Variants in FNDC3B observed in about 807,000 individuals in gnomAD.
FNDC3B encodes fibronectin type III domain containing 3B.
FNDC3B carries 12 observed loss-of-function variants against 151.5 expected under a neutral mutation model. The observed-to-expected ratio is 0.08, with a 90% CI of 0.05 to 0.13. FNDC3B has a LOEUF of 0.13. Among genes scored for constraint, FNDC3B ranks in the 10% least tolerant of loss-of-function variants. The pLI, the probability that FNDC3B is intolerant of heterozygous loss-of-function variation, is 1.00. For missense variants in FNDC3B, 1,214 were observed against 1,505.3 expected, an observed-to-expected ratio of 0.81 and a Z score of 3.20; for synonymous variants, 528 against 549.0, an observed-to-expected ratio of 0.96 and a Z score of 0.54.
At chr3:172,167,421 G>A (rs969000085) in intron 3 of FNDC3B, among the ~76,000 whole-genome samples, 12 of 152,166 alleles carry the variant, frequency 7.9e-5, no homozygotes, top group African/African-American at 2.4e-4. Context: ...CAAGAGGGTT[G>A]CAGTTTCACT....
At chr3:172,282,818 G>A (rs1729807240) in intron 6 of FNDC3B, among the ~76,000 whole-genome samples, 1 of 152,108 alleles carries the variant, frequency 6.6e-6, no homozygotes, top group African/African-American at 2.4e-5. Flanking sequence ...TACTTGCTTT[G>A]GGACCATGTA....
At chr3:172,262,186 A>G (rs1728681498) in intron 6 of FNDC3B, among the ~76,000 whole-genome samples, 1 of 152,230 alleles carries the variant, frequency 6.6e-6, no homozygotes, top group Non-Finnish European at 1.5e-5. Context: ...TGGGCAGAAA[A>G]TAAGAGAGGT....
intron 6 of FNDC3B, among the ~76,000 whole-genome samples, chr3:172,271,489 G>A (rs773743570): frequency 2.2e-5 from 3 of 134,486 alleles, no homozygotes; most frequent in South Asian, 2.4e-4. Context: ...CACATTTTTT[G>A]TTGTTGTTGT....
chr3:172,370,108 T>C (rs660239), intron 23 of FNDC3B, among the ~76,000 whole-genome samples: 65,439 of 152,028 alleles, frequency 0.43, 16,050 homozygotes, highest in Non-Finnish European at 0.57. Context: ...TTTGAGGAGT[T>C]AATATTAATG....
At chr3:172,055,227 T>A (rs1290652373) in intron 1 of FNDC3B, among the ~76,000 whole-genome samples, 1 of 152,212 alleles carries the variant, frequency 6.6e-6, no homozygotes. Flanking sequence ...TATATTTTAT[T>A]TCCGGCTTTG....
intron 3 of FNDC3B, among the ~76,000 whole-genome samples, chr3:172,162,467 G>T (rs1249297037): frequency 6.6e-6 from 1 of 152,048 alleles, no homozygotes; most frequent in Non-Finnish European, 1.5e-5. Flanking sequence ...AAGTTTTTGG[G>T]TGAATATATA....
intron 3 of FNDC3B, among the ~76,000 whole-genome samples, chr3:172,164,707 A>G (rs1009809270): frequency 6.6e-6 from 1 of 152,216 alleles, no homozygotes; most frequent in Non-Finnish European, 1.5e-5. Context: ...AAAGTTTCAT[A>G]ATATGTAGTG....
At chr3:172,114,518 C>T (rs151317659) in intron 2 of FNDC3B, among the ~76,000 whole-genome samples, 67 of 152,220 alleles carry the variant, frequency 4.4e-4, no homozygotes, top group African/African-American at 1.4e-3. Context: ...CAGCAGGCTA[C>T]GTGGCATTTC....
intron 2 of FNDC3B, among the ~76,000 whole-genome samples, chr3:172,124,446 C>A (rs140356721): frequency 5.1e-4 from 77 of 152,306 alleles, no homozygotes; most frequent in Non-Finnish European, 6.9e-4. Flanking sequence ...AAGTGTCACA[C>A]CAGGTGTGAA....
At chr3:172,258,621 T>G (rs1032688458) in intron 6 of FNDC3B, among the ~76,000 whole-genome samples, 4 of 152,004 alleles carry the variant, frequency 2.6e-5, no homozygotes, top group African/African-American at 9.7e-5. Flanking sequence ...GTCCTTGGAG[T>G]CTATCCTTTT....
At chr3:172,057,855 TTGAG>T (rs1246860024) in intron 1 of FNDC3B, among the ~76,000 whole-genome samples, 5 of 151,798 alleles carry the variant, frequency 3.3e-5, no homozygotes, top group Non-Finnish European at 7.4e-5. Flanking sequence ...TTAGATTTGT[TTGAG>T]TGGCCCCTGG....
chr3:172,168,943 C>A (rs1723152762), intron 3 of FNDC3B, among the ~76,000 whole-genome samples: 1 of 112,936 alleles, frequency 8.9e-6, no homozygotes, highest in Non-Finnish European at 2.0e-5. Flanking sequence ...GAACTCCTGA[C>A]CTCAGATGAT....
intron 3 of FNDC3B, among the ~76,000 whole-genome samples, chr3:172,170,912 T>A (rs1220419116): frequency 6.6e-6 from 1 of 152,248 alleles, no homozygotes; most frequent in Non-Finnish European, 1.5e-5. Context: ...ACTGTCTTAG[T>A]ATTGCTCTAA....
intron 23 of FNDC3B, among the ~76,000 whole-genome samples, chr3:172,365,418 G>A (rs997106200): frequency 1.3e-5 from 2 of 152,120 alleles, no homozygotes; most frequent in African/African-American, 4.8e-5. Flanking sequence ...ACCATAGATA[G>A]GCTTGTTATT....
chr3:172,388,788 G>A (rs1735857712), intron 25 of FNDC3B, among the ~76,000 whole-genome samples: 1 of 152,194 alleles, frequency 6.6e-6, no homozygotes, highest in Non-Finnish European at 1.5e-5. Context: ...AAGGGTCCCT[G>A]GCACCAAGCA....
chr3:172,049,992 A>G (rs748094870), intron 1 of FNDC3B, among the ~76,000 whole-genome samples: 4 of 152,238 alleles, frequency 2.6e-5, no homozygotes, highest in Admixed American at 6.5e-5. Flanking sequence ...TACAAAAGGG[A>G]TAGAGTGAAA....
chr3:172,231,586 A>G (rs993739784), intron 4 of FNDC3B, among the ~76,000 whole-genome samples: 5 of 152,148 alleles, frequency 3.3e-5, no homozygotes, highest in African/African-American at 9.7e-5. Context: ...GGTAACTACT[A>G]TGAATGTTGT....
At chr3:172,302,086 G>T (rs1178185658) in intron 9 of FNDC3B, 1 of 152,130 alleles carries the variant, frequency 6.6e-6, no homozygotes, top group East Asian at 1.9e-4. Flanking sequence ...CTAGACTTCT[G>T]TTCTTGTATT....
At chr3:172,217,856 G>T (rs1235821669) in intron 3 of FNDC3B, among the ~76,000 whole-genome samples, 1 of 152,114 alleles carries the variant, frequency 6.6e-6, no homozygotes, top group African/African-American at 2.4e-5. Flanking sequence ...GAAAAGACTT[G>T]AATTTCAAAT....
Sources: gnomAD v4.1 joint callset for allele counts (sites outside exome capture counted in the v4.1 genomes callset) on GRCh38, gnomAD v4.1.1 for gene constraint, MANE v1.5 for transcripts, NCBI Gene and HGNC (gene_info 2026-07-23, HGNC 2026-07-21) for gene names.